Variants in SPIRE1 observed in about 807,000 individuals in gnomAD.
The protein encoded by SPIRE1 is spire type actin nucleation factor 1, also known as protein spire homolog 1.
Under a neutral mutation model 94.1 loss-of-function variants are expected in SPIRE1, and 40 were observed. The observed-to-expected ratio is 0.43, with a 90% CI of 0.33 to 0.55. The LOEUF is 0.55. SPIRE1 is among the 20% of genes least tolerant of loss of function. The pLI is 0.06. For synonymous variants in SPIRE1, 376 were observed against 371.7 expected, an observed-to-expected ratio of 1.01 and a Z score of -0.13; for missense variants, 838 against 975.2, an observed-to-expected ratio of 0.86 and a Z score of 1.87.
chr18:12,462,922 G>A (rs1278290104), intron 12 of SPIRE1, among the ~76,000 whole-genome samples: 1 of 152,056 alleles, frequency 6.6e-6, no homozygotes, highest in African/African-American at 2.4e-5. Flanking sequence ...TTTGGAGAAG[G>A]TGTCACTCTG....
At chr18:12,552,090 A>T (rs2035367478) in intron 2 of SPIRE1, among the ~76,000 whole-genome samples, 1 of 152,260 alleles carries the variant, frequency 6.6e-6, no homozygotes. Flanking sequence ...CATTAAGACC[A>T]GCGCTAGCCA....
intron 3 of SPIRE1, among the ~76,000 whole-genome samples, chr18:12,537,205 T>G (rs1195609426): frequency 6.6e-6 from 1 of 152,210 alleles, no homozygotes; most frequent in Admixed American, 6.5e-5. Context: ...GAGCCACTAG[T>G]AAACAGAGAG....
intron 4 of SPIRE1, 73 bp downstream of exon 4, chr18:12,535,403 G>T: frequency 6.7e-7 from 1 of 1,493,614 alleles, no homozygotes. Flanking sequence ...GAAAATTTAG[G>T]TTTCTCTTCC....
At chr18:12,564,827 C>T (rs924797472) in intron 2 of SPIRE1, among the ~76,000 whole-genome samples, 10 of 151,816 alleles carry the variant, frequency 6.6e-5, no homozygotes, top group African/African-American at 2.2e-4. Context: ...TATGTTTTAC[C>T]GAAGAGAACT....
At chr18:12,515,251 A>G (rs2034164609) in intron 4 of SPIRE1, among the ~76,000 whole-genome samples, 2 of 152,086 alleles carry the variant, frequency 1.3e-5, no homozygotes, top group Non-Finnish European at 2.9e-5. Context: ...GCAGTGACTC[A>G]TGCCTATGAT....
chr18:12,626,886 A>ATATATATATATATATATATTT (rs55915333), intron 2 of SPIRE1, among the ~76,000 whole-genome samples: 2 of 111,894 alleles, frequency 1.8e-5, no homozygotes, highest in Non-Finnish European at 3.7e-5. Context: ...ATATATATAT[A>ATATATATATATATATATATTT]TTTTTTTTTT....
chr18:12,639,482 C>A (rs941185542), intron 1 of SPIRE1, among the ~76,000 whole-genome samples: 1 of 152,134 alleles, frequency 6.6e-6, no homozygotes, highest in Non-Finnish European at 1.5e-5. Flanking sequence ...ACCTGCCATC[C>A]GAGCACTTTG....
At position 12,619,256 on chromosome 18, in the gene SPIRE1, A is replaced by G. The variant is rs975285692; in HGVS notation, c.372+15806T>C. Among the ~76,000 whole-genome samples, 8 of 152,212 alleles carry G rather than the reference A, an allele frequency of 5.3e-5. No individual in the cohort carries two copies. The East Asian group carries it at 1.4e-3, about 26-fold the overall frequency. ...GCCGGGCATGGTGGCTCACGCCTGT[A>G]ATCTCAGCACTTTAGGAGGCCAAGG... On this transcript the variant is annotated intron_variant, in intron 2 of 16. Coordinates refer to ENST00000409402, the MANE Select transcript of SPIRE1 (RefSeq NM_001128626.2).
intron 16 of SPIRE1, chr18:12,450,747 TG>T (rs746632751): frequency 3.3e-4 from 230 of 693,648 alleles, no homozygotes; most frequent in Non-Finnish European, 5.4e-4. Context: ...GGATTCTTCC[TG>T]CTCTGTTCAG....
At chr18:12,607,104 A>C (rs1351141640) in intron 2 of SPIRE1, among the ~76,000 whole-genome samples, 1 of 152,098 alleles carries the variant, frequency 6.6e-6, no homozygotes, top group Non-Finnish European at 1.5e-5. Context: ...CAGAAGAGTA[A>C]ATTTCCTGGT....
intron 2 of SPIRE1, among the ~76,000 whole-genome samples, chr18:12,588,055 A>G (rs755021): frequency 0.56 from 85,058 of 151,902 alleles, 24,989 homozygotes; most frequent in Middle Eastern, 0.76. Flanking sequence ...AGATTTACCT[A>G]TTCTGGGCCA....
intron 1 of SPIRE1, among the ~76,000 whole-genome samples, chr18:12,648,588 C>A (rs1398150875): frequency 6.6e-6 from 1 of 151,886 alleles, no homozygotes; most frequent in Non-Finnish European, 1.5e-5. Context: ...GGGATTTCTG[C>A]AATAGAAAAA....
chr18:12,586,098 G>T (rs1246802714), intron 2 of SPIRE1, among the ~76,000 whole-genome samples: 1 of 152,148 alleles, frequency 6.6e-6, no homozygotes, highest in Non-Finnish European at 1.5e-5. Context: ...CTACAGGCGT[G>T]TGCCATCACG....
chr18:12,513,151 T>C (rs78960621), intron 4 of SPIRE1, among the ~76,000 whole-genome samples: 1,625 of 152,328 alleles, frequency 0.011, 18 homozygotes, highest in Non-Finnish European at 0.017. Context: ...ACACAAGCAC[T>C]GGCACTTGCT....
chr18:12,449,097 GCAA>G lies in SPIRE1; in HGVS notation c.*538_*540del, dbSNP rs896661836. The G allele has an allele frequency of 6.5e-6, 1 of 153,378 alleles. No individual in the cohort carries two copies. Among genetic ancestry groups the G allele is most frequent in the Non-Finnish European group, 1.5e-5 (1 of 68,724 alleles). The allele number at this position is 153,378 out of a possible 1,614,324, so 9.5% of individuals were successfully genotyped here. A position where few individuals can be genotyped will look rare whatever the true frequency, so the allele number is the denominator to read the frequency against. On this transcript the variant is annotated 3_prime_UTR_variant, in exon 17 of 17. Coordinates refer to ENST00000409402, the MANE Select transcript of SPIRE1 (RefSeq NM_001128626.2). Reference sequence around the variant, plus strand: ...TCCCTTATGTAATTTTTATCTCCAAGCAACAACATTTAAAAATCAGTTGAAGAG... The same window carrying G: ...TCCCTTATGTAATTTTTATCTCCAAGCAACATTTAAAAATCAGTTGAAGAG...
chr18:12,464,608 C>T lies in SPIRE1; in HGVS notation c.1495+260G>A, dbSNP rs9961477. 2.5e-3 allele frequency among the ~76,000 whole-genome samples: 381 copies of T among 152,214 alleles called. 4 individuals carry two copies. Among genetic ancestry groups the T allele is most frequent in the African/African-American group, 8.8e-3 (364 of 41,544 alleles). On this transcript the variant is annotated intron_variant, in intron 11 of 16. Transcript: ENST00000409402. ...CTATCTAAAACAAAACAAAACAGAA[C>T]GCTACACACACAACTGATTTATAAT...
chr18:12,541,793 T>C (rs1485935039), intron 3 of SPIRE1, among the ~76,000 whole-genome samples: 2 of 151,980 alleles, frequency 1.3e-5, no homozygotes, highest in Non-Finnish European at 2.9e-5. Context: ...TTTAGGCTAG[T>C]ACAATCCACA....
At chr18:12,535,451 T>C (rs368636760) in intron 4 of SPIRE1, 25 bp downstream of exon 4, 75 of 1,590,190 alleles carry the variant, frequency 4.7e-5, no homozygotes, top group Non-Finnish European at 6.4e-5. Context: ...ACAATGCCAA[T>C]AAATATCAAA....
At chr18:12,465,430 G>C (rs2032052311) in intron 10 of SPIRE1, among the ~76,000 whole-genome samples, 1 of 152,158 alleles carries the variant, frequency 6.6e-6, no homozygotes, top group Non-Finnish European at 1.5e-5. Context: ...TGGGGTAACA[G>C]GTGTGAGCCG....
Sources: allele counts gnomAD v4.1 joint callset (sites outside exome capture counted in the v4.1 genomes callset), GRCh38; gene constraint gnomAD v4.1.1; transcripts MANE v1.5; gene names NCBI Gene and HGNC (gene_info 2026-07-23, HGNC 2026-07-21).